Variants in DSCAM observed in about 807,000 individuals in gnomAD.
The protein encoded by DSCAM is cell adhesion molecule DSCAM.
Under a neutral mutation model 217.7 loss-of-function variants are expected in DSCAM, and 47 were observed. The observed-to-expected ratio is 0.22, with a 90% confidence interval of 0.17 to 0.28. The LOEUF (loss-of-function observed/expected upper bound fraction) is 0.28. Ranked by LOEUF, DSCAM falls within the 10% of genes least tolerant of loss-of-function variation. DSCAM has a pLI of 1.00. For missense variants in DSCAM, 2,080 were observed against 2,618.3 expected (o/e 0.79, Z 4.49); for synonymous variants, 1,056 against 1,015.3 (o/e 1.04, Z -0.76).
chr21:40,238,610 C>T (rs934833786), intron 11 of DSCAM, among the ~76,000 whole-genome samples: 1 of 152,160 alleles, frequency 6.6e-6, no homozygotes, highest in Non-Finnish European at 1.5e-5. Flanking sequence ...CTCACATGTG[C>T]CATAGCAGCT....
chr21:40,446,556 T>G (rs2075676405), intron 3 of DSCAM, among the ~76,000 whole-genome samples: 1 of 152,106 alleles, frequency 6.6e-6, no homozygotes, highest in South Asian at 2.1e-4. Flanking sequence ...GGAAGAGCGA[T>G]TCCCAGTCAG....
chr21:40,819,339 C>T (rs543216054), intron 1 of DSCAM, among the ~76,000 whole-genome samples: 6 of 152,206 alleles, frequency 3.9e-5, no homozygotes, highest in African/African-American at 1.2e-4. Context: ...GGCAGGGGAG[C>T]TTTTCAGCCC....
At chr21:40,649,440 G>C (rs2089988194) in intron 3 of DSCAM, among the ~76,000 whole-genome samples, 1 of 152,172 alleles carries the variant, frequency 6.6e-6, no homozygotes, top group Non-Finnish European at 1.5e-5. Context: ...GTGGTCTCAA[G>C]TAAACTATTT....
intron 20 of DSCAM, among the ~76,000 whole-genome samples, chr21:40,114,034 A>C (rs933415932): frequency 2.6e-5 from 4 of 151,932 alleles, no homozygotes; most frequent in South Asian, 4.2e-4. Context: ...GCTACCAATG[A>C]CTTTCTTCAT....
chr21:40,754,720 G>T (rs1363422305), intron 1 of DSCAM, among the ~76,000 whole-genome samples: 1 of 152,194 alleles, frequency 6.6e-6, no homozygotes, highest in African/African-American at 2.4e-5. Flanking sequence ...TGGTAAGGAG[G>T]TGACAGGCTC....
intron 3 of DSCAM, among the ~76,000 whole-genome samples, chr21:40,528,898 CTTTTTTTT>C (rs911356584): frequency 3.0e-5 from 3 of 99,396 alleles, no homozygotes; most frequent in East Asian, 3.5e-4. Context: ...AGGCTTTCCA[CTTTTTTTT>C]TTTTTTTTTT....
At chr21:40,298,488 T>C (rs1279163768) in intron 9 of DSCAM, among the ~76,000 whole-genome samples, 2 of 152,204 alleles carry the variant, frequency 1.3e-5, no homozygotes, top group Non-Finnish European at 2.9e-5. Context: ...TGTTACTTCA[T>C]GTAGATGGTA....
intron 3 of DSCAM, among the ~76,000 whole-genome samples, chr21:40,401,125 A>G (rs1473551748): frequency 6.6e-6 from 1 of 152,236 alleles, no homozygotes; most frequent in African/African-American, 2.4e-5. Flanking sequence ...TGTCATCTGT[A>G]GTCCAAATTA....
intron 3 of DSCAM, among the ~76,000 whole-genome samples, chr21:40,494,556 T>C (rs910158478): frequency 2.0e-5 from 3 of 152,108 alleles, no homozygotes; most frequent in African/African-American, 7.2e-5. Context: ...TAAAATATCA[T>C]TGAGACTAAT....
At chr21:40,335,234 A>C (rs1569069800) in intron 8 of DSCAM, among the ~76,000 whole-genome samples, 1 of 152,208 alleles carries the variant, frequency 6.6e-6, no homozygotes, top group Non-Finnish European at 1.5e-5. Context: ...CTCTCCAGGC[A>C]ATAAAATACC....
chr21:40,414,995 G>A (rs543782827), intron 3 of DSCAM, among the ~76,000 whole-genome samples: 1 of 152,110 alleles, frequency 6.6e-6, no homozygotes, highest in Non-Finnish European at 1.5e-5. Flanking sequence ...TATAATATAT[G>A]CCTACAACAT....
chr21:40,585,878 T>G (rs1386722392), intron 3 of DSCAM, among the ~76,000 whole-genome samples: 2 of 152,164 alleles, frequency 1.3e-5, no homozygotes, highest in African/African-American at 4.8e-5. Context: ...GTTTTTGAGA[T>G]GGAATTTCAC....
chr21:40,216,327 T>C (rs1200355596), intron 11 of DSCAM, among the ~76,000 whole-genome samples: 2 of 152,196 alleles, frequency 1.3e-5, no homozygotes, highest in Admixed American at 1.3e-4. Flanking sequence ...TTGCCCAGGC[T>C]GGTCTTTAAC....
intron 3 of DSCAM, among the ~76,000 whole-genome samples, chr21:40,465,409 T>A (rs938576032): frequency 6.6e-6 from 1 of 152,168 alleles, no homozygotes. Flanking sequence ...TAGAACTGCA[T>A]GTGAAAAGGT....
At chr21:40,106,369 T>C (rs2089820989) in intron 20 of DSCAM, among the ~76,000 whole-genome samples, 1 of 152,148 alleles carries the variant, frequency 6.6e-6, no homozygotes, top group Admixed American at 6.5e-5. Context: ...CTGGATTCAG[T>C]TTTTCAGTAT....
chr21:40,041,430 A>T (rs1231300679), intron 32 of DSCAM, among the ~76,000 whole-genome samples: 1 of 152,208 alleles, frequency 6.6e-6, no homozygotes, highest in African/African-American at 2.4e-5. Flanking sequence ...AACACTAAAA[A>T]GCTGTGAATT....
chr21:40,629,760 A>C (rs143636920), intron 3 of DSCAM: 187 of 152,296 alleles, frequency 1.2e-3, no homozygotes, highest in African/African-American at 4.3e-3. Context: ...GTGATTGTTC[A>C]ATGTCTGCCC....
At chr21:40,448,129 G>A (rs2075689749) in intron 3 of DSCAM, among the ~76,000 whole-genome samples, 2 of 152,158 alleles carry the variant, frequency 1.3e-5, no homozygotes, top group African/African-American at 4.8e-5. Flanking sequence ...CAACTTGACT[G>A]GCTAAGGGAT....
At chr21:40,165,146 C>T (rs2090580580) in intron 16 of DSCAM, among the ~76,000 whole-genome samples, 1 of 152,206 alleles carries the variant, frequency 6.6e-6, no homozygotes, top group East Asian at 1.9e-4. Flanking sequence ...ATGTGGGGCT[C>T]CCTCTTTGGG....
Sources: gnomAD v4.1 joint callset for allele counts (sites outside exome capture counted in the v4.1 genomes callset) on GRCh38, gnomAD v4.1.1 for gene constraint, MANE v1.5 for transcripts, NCBI Gene and HGNC (gene_info 2026-07-23, HGNC 2026-07-21) for gene names.